The following CACNA2D3 variants were observed in gnomAD, a reference collection of about 807,000 sequenced individuals.
CACNA2D3 encodes voltage-dependent calcium channel subunit alpha-2/delta-3.
In CACNA2D3, 60 loss-of-function variants were observed where a neutral mutation model predicts 160.6. The observed-to-expected ratio is 0.37, with a 90% CI of 0.30 to 0.46. The LOEUF (loss-of-function observed/expected upper bound fraction) is 0.46. Among genes scored for constraint, CACNA2D3 ranks in the 20% least tolerant of loss-of-function variants. CACNA2D3 has a pLI of 1.00. For synonymous variants in CACNA2D3, 558 were observed against 492.9 expected (o/e 1.13, Z -1.75); for missense variants, 1,205 against 1,365.0 (o/e 0.88, Z 1.85).
intron 4 of CACNA2D3, among the ~76,000 whole-genome samples, chr3:54,459,582 G>A (rs1057354582): frequency 2.8e-4 from 43 of 152,128 alleles, no homozygotes; most frequent in African/African-American, 9.9e-4. Flanking sequence ...TTTGAGAAGT[G>A]TCTGTTCATA....
intron 13 of CACNA2D3, among the ~76,000 whole-genome samples, chr3:54,804,343 A>C (rs1026294818): frequency 2.6e-5 from 4 of 152,078 alleles, no homozygotes; most frequent in African/African-American, 9.7e-5. Context: ...TAGGCTCAAA[A>C]TAAAAGGATG....
intron 4 of CACNA2D3, among the ~76,000 whole-genome samples, chr3:54,478,156 T>G (rs1700862552): frequency 6.6e-6 from 1 of 152,172 alleles, no homozygotes; most frequent in Non-Finnish European, 1.5e-5. Context: ...CTGGGAATGC[T>G]ACAAAGTTAT....
At chr3:55,006,343 C>T (rs1393199881) in intron 32 of CACNA2D3, among the ~76,000 whole-genome samples, 1 of 152,152 alleles carries the variant, frequency 6.6e-6, no homozygotes, top group Non-Finnish European at 1.5e-5. Flanking sequence ...GCTTCTGGCC[C>T]TCTTTCCCCC....
At chr3:54,838,818 T>A (rs894966363) in intron 16 of CACNA2D3, among the ~76,000 whole-genome samples, 170 bp downstream of exon 16, 3 of 152,220 alleles carry the variant, frequency 2.0e-5, no homozygotes, top group Admixed American at 6.5e-5. Flanking sequence ...AGGTTTTTTT[T>A]TTATTATTTA....
chr3:54,819,294 T>C (rs1703531646), intron 14 of CACNA2D3, among the ~76,000 whole-genome samples: 1 of 152,226 alleles, frequency 6.6e-6, no homozygotes, highest in Non-Finnish European at 1.5e-5. Context: ...CTTTCCACTT[T>C]TGTTTTGAAA....
chr3:54,277,935 G>GTA (rs1702784042), intron 2 of CACNA2D3, among the ~76,000 whole-genome samples: 1 of 152,010 alleles, frequency 6.6e-6, no homozygotes, highest in South Asian at 2.1e-4. Flanking sequence ...TATTATTGGT[G>GTA]TATAGGAATG....
At chr3:54,661,571 C>T (rs1326646173) in intron 11 of CACNA2D3, among the ~76,000 whole-genome samples, 3 of 152,056 alleles carry the variant, frequency 2.0e-5, no homozygotes, top group African/African-American at 7.2e-5. Flanking sequence ...AACAAAACTA[C>T]AGGTACATTA....
At chr3:54,306,240 G>C (rs1034775393) in intron 2 of CACNA2D3, among the ~76,000 whole-genome samples, 20 of 152,014 alleles carry the variant, frequency 1.3e-4, no homozygotes, top group Admixed American at 1.3e-3. Flanking sequence ...GGAAGATGTG[G>C]ATGAATTGAT....
At chr3:54,348,998 G>T (rs766977401) in intron 3 of CACNA2D3, among the ~76,000 whole-genome samples, 2 of 152,176 alleles carry the variant, frequency 1.3e-5, no homozygotes, top group African/African-American at 4.8e-5. Flanking sequence ...AAAGTGCTGG[G>T]ATTACAGGCA....
At chr3:55,044,366 A>G (rs1462831225) in intron 35 of CACNA2D3, among the ~76,000 whole-genome samples, 2 of 152,172 alleles carry the variant, frequency 1.3e-5, no homozygotes, top group South Asian at 2.1e-4. Context: ...GTGCTATTAT[A>G]AATTATACTT....
chr3:54,555,568 C>G (rs564332551), intron 5 of CACNA2D3, among the ~76,000 whole-genome samples: 84 of 152,296 alleles, frequency 5.5e-4, no homozygotes, highest in Non-Finnish European at 1.0e-3. Flanking sequence ...GTGGGAGGCG[C>G]TCTTCACATA....
intron 35 of CACNA2D3, among the ~76,000 whole-genome samples, chr3:55,053,312 C>T (rs1401812252): frequency 6.6e-6 from 1 of 151,876 alleles, no homozygotes; most frequent in East Asian, 1.9e-4. Flanking sequence ...TGAGATTCAC[C>T]ATGTTGTGTA....
chr3:54,577,342 G>T (rs368639966), intron 8 of CACNA2D3, among the ~76,000 whole-genome samples: 9 of 152,160 alleles, frequency 5.9e-5, no homozygotes, highest in African/African-American at 2.2e-4. Flanking sequence ...CCGGTCCCTG[G>T]GAGGATTCAG....
intron 4 of CACNA2D3, among the ~76,000 whole-genome samples, chr3:54,433,262 A>G (rs9861155): frequency 0.15 from 23,400 of 152,036 alleles, 2,102 homozygotes; most frequent in Admixed American, 0.25. Context: ...TGTAGACTCT[A>G]TCAGGATGGA....
chr3:55,002,553 A>T (rs1703006113), intron 31 of CACNA2D3, among the ~76,000 whole-genome samples: 2 of 152,122 alleles, frequency 1.3e-5, no homozygotes, highest in Non-Finnish European at 2.9e-5. Flanking sequence ...TTTCTGTGAG[A>T]AGTTTGTGCG....
intron 20 of CACNA2D3, among the ~76,000 whole-genome samples, chr3:54,879,954 A>G (rs1263670643): frequency 6.6e-6 from 1 of 152,218 alleles, no homozygotes; most frequent in East Asian, 1.9e-4. Flanking sequence ...AGCATTCTAA[A>G]GTTTCCCACT....
At chr3:54,734,314 A>T (rs1205288305) in intron 11 of CACNA2D3, among the ~76,000 whole-genome samples, 2 of 152,210 alleles carry the variant, frequency 1.3e-5, no homozygotes, top group African/African-American at 4.8e-5. Flanking sequence ...CAGGACATGC[A>T]TATCAGAAAG....
At chr3:54,782,531 A>C (rs1003068136) in intron 13 of CACNA2D3, among the ~76,000 whole-genome samples, 16 of 152,026 alleles carry the variant, frequency 1.1e-4, no homozygotes, top group Admixed American at 3.9e-4. Context: ...GGACTTGCCA[A>C]GTTCTGACAC....
chr3:54,734,637 G>A (rs914240094), intron 11 of CACNA2D3, among the ~76,000 whole-genome samples: 4 of 152,220 alleles, frequency 2.6e-5, no homozygotes, highest in South Asian at 2.1e-4. Flanking sequence ...TTTGCAGATC[G>A]GTAGGAAATA....
Sources: allele counts gnomAD v4.1 joint callset (sites outside exome capture counted in the v4.1 genomes callset), GRCh38; gene constraint gnomAD v4.1.1; transcripts MANE v1.5; gene names NCBI Gene and HGNC (gene_info 2026-07-23, HGNC 2026-07-21).